Variants in HPSE2 observed in about 807,000 individuals in gnomAD.
The protein encoded by HPSE2 is inactive heparanase-2.
A neutral mutation model predicts 60.5 loss-of-function variants in HPSE2; 38 were observed. That is an observed-to-expected ratio of 0.63 (90% CI 0.48 to 0.82). The LOEUF (loss-of-function observed/expected upper bound fraction) is 0.82, where lower values mean the gene tolerates loss of function less well. HPSE2 is among the 40% of genes least tolerant of loss of function. The pLI is 0.00. For synonymous variants in HPSE2, 295 were observed against 293.2 expected (o/e 1.01, Z -0.06); for missense variants, 713 against 740.4 (o/e 0.96, Z 0.43).
chr10:99,148,634 C>G (rs185439931), intron 2 of HPSE2, among the ~76,000 whole-genome samples: 1 of 152,120 alleles, frequency 6.6e-6, no homozygotes, highest in African/African-American at 2.4e-5. Context: ...CTACTAAAAA[C>G]ACAAAATTAG....
chr10:98,909,854 T>C (rs1048716830), intron 3 of HPSE2, among the ~76,000 whole-genome samples: 1 of 152,054 alleles, frequency 6.6e-6, no homozygotes, highest in African/African-American at 2.4e-5. Flanking sequence ...ACTATACTCG[T>C]GATGGAATAT....
rs1554912905 is a variant in HPSE2, at chr10:99,186,129, C to CAT, written c.449-41731_449-41730insAT. Reference sequence around the variant, plus strand: ...CCACACACACACACACACACACACACACACACACACACACACACACACACA... The same window carrying CAT: ...CCACACACACACACACACACACACACATACACACACACACACACACACACACA... On this transcript the variant is annotated intron_variant, in intron 2 of 11. Coordinates refer to ENST00000370552, the MANE Select transcript of HPSE2 (RefSeq NM_021828.5). Among the ~76,000 whole-genome samples, 750 of 141,696 alleles carry CAT rather than the reference C, an allele frequency of 5.3e-3. 16 individuals are homozygous for CAT. The highest frequency in any genetic ancestry group is 9.1e-3 in the Non-Finnish European group (588 of 64,442). 93.0% of individuals were successfully genotyped at this position (141,696 alleles called of 152,430 possible).
chr10:99,059,170 C>G (rs1958179653), intron 3 of HPSE2, among the ~76,000 whole-genome samples: 2 of 152,126 alleles, frequency 1.3e-5, no homozygotes, highest in African/African-American at 4.8e-5. Context: ...CCAGATTTGG[C>G]CCATGGGCCA....
At chr10:98,494,586 T>C (rs915002100) in intron 9 of HPSE2, among the ~76,000 whole-genome samples, 2 of 152,210 alleles carry the variant, frequency 1.3e-5, no homozygotes, top group Non-Finnish European at 2.9e-5. Flanking sequence ...GCACAGGTCT[T>C]TGAATAAATT....
At chr10:98,782,833 A>C (rs1950504298) in intron 3 of HPSE2, among the ~76,000 whole-genome samples, 3 of 129,088 alleles carry the variant, frequency 2.3e-5, no homozygotes, top group East Asian at 2.2e-4. Context: ...TACAAAATGT[A>C]TGGGCCCAAA....
chr10:99,101,123 A>C (rs189291456), intron 3 of HPSE2, among the ~76,000 whole-genome samples: 1 of 152,194 alleles, frequency 6.6e-6, no homozygotes, highest in Non-Finnish European at 1.5e-5. Flanking sequence ...GACAGGATAA[A>C]ATTCATACAT....
In HPSE2 at chr10:98,936,003, G is replaced by A. The variant is rs1005519114; in HGVS notation, c.611-191947C>T. On this transcript the variant is annotated intron_variant, in intron 3 of 11. Coordinates refer to ENST00000370552, the MANE Select transcript of HPSE2 (RefSeq NM_021828.5). The stretch of plus-strand genomic sequence containing the variant: ...GGACTCCTGCAGGGATGCCCTGCCC[G>A]GTGAGGGGGTATCTAGAGAAGTAGT... Among the ~76,000 whole-genome samples, 6 of 144,564 alleles carry A rather than the reference G, an allele frequency of 4.2e-5. 1 individual carries two copies. The highest frequency in any genetic ancestry group is 3.9e-4 in the East Asian group (2 of 5,090). 94.8% of individuals were successfully genotyped at this position (144,564 alleles called of 152,430 possible).
At chr10:99,262,583 T>TCCCAC in the HPSE2 span, among the ~76,000 whole-genome samples, 4 of 152,010 alleles carry the variant, frequency 2.6e-5, no homozygotes, top group African/African-American at 9.7e-5. Context: ...CAATATCCCA[T>TCCCAC]CCCACAGCAT....
chr10:98,638,437 TC>T, intron 7 of HPSE2, among the ~76,000 whole-genome samples: 1 of 152,252 alleles, frequency 6.6e-6, no homozygotes, highest in East Asian at 1.9e-4. Flanking sequence ...AGAGCGAGAC[TC>T]TGTCACAAAA....
the HPSE2 span, among the ~76,000 whole-genome samples, chr10:99,255,769 TA>T: frequency 1.3e-5 from 2 of 152,238 alleles, no homozygotes; most frequent in Non-Finnish European, 1.5e-5. Flanking sequence ...TTCACCCTGC[TA>T]TGGTTTGAAC....
the HPSE2 span, among the ~76,000 whole-genome samples, chr10:99,281,945 AT>A: frequency 6.6e-6 from 1 of 152,132 alleles, no homozygotes; most frequent in African/African-American, 2.4e-5. Context: ...AGAAAAAAAA[AT>A]AGATTTAAGC....
intron 3 of HPSE2, among the ~76,000 whole-genome samples, chr10:99,006,972 C>T (rs1206414242): frequency 1.3e-5 from 2 of 152,132 alleles, no homozygotes; most frequent in Non-Finnish European, 2.9e-5. Flanking sequence ...GGGTCTGGAG[C>T]CTGTTTCTGC....
intron 3 of HPSE2, among the ~76,000 whole-genome samples, chr10:98,957,548 G>A (rs1257041421): frequency 6.6e-6 from 1 of 152,150 alleles, no homozygotes; most frequent in Admixed American, 6.5e-5. Context: ...TGATAGGAAG[G>A]GTAAGGCTGC....
In HPSE2 at chr10:99,232,526, A is replaced by G. The variant is rs778044445; in HGVS notation, c.291-21T>C. The G allele has an allele frequency of 5.2e-6, 8 of 1,550,352 alleles. No individual in the cohort carries two copies. In the Admixed American group the frequency reaches 5.9e-5, roughly 11 times the overall value. The stretch of plus-strand genomic sequence containing the variant: ...TGGAGCTGCAGAGGAAGAGAATAAG[A>G]GAGGAAAGGTTCCCAGGACAGGACG... On this transcript the variant is annotated intron_variant, in intron 1 of 11. Transcript: ENST00000370552.
At chr10:99,130,895 G>A (rs1358892948) in intron 3 of HPSE2, among the ~76,000 whole-genome samples, 1 of 152,076 alleles carries the variant, frequency 6.6e-6, no homozygotes, top group East Asian at 1.9e-4. Context: ...CTTGAGGAAG[G>A]GGCTGCCAGT....
intron 5 of HPSE2, among the ~76,000 whole-genome samples, chr10:98,714,010 G>T (rs767278850): frequency 6.6e-6 from 1 of 151,612 alleles, no homozygotes; most frequent in Non-Finnish European, 1.5e-5. Context: ...TATTGCCAAG[G>T]TTGGCAAAGT....
intron 7 of HPSE2, among the ~76,000 whole-genome samples, chr10:98,632,993 G>C (rs1946404770): frequency 6.6e-6 from 1 of 151,986 alleles, no homozygotes; most frequent in Non-Finnish European, 1.5e-5. Flanking sequence ...GGGTGCACGT[G>C]CCTCTCCTTT....
chr10:99,156,301 A>C, intron 2 of HPSE2, among the ~76,000 whole-genome samples: 1 of 126,138 alleles, frequency 7.9e-6, no homozygotes, highest in Non-Finnish European at 1.8e-5. Context: ...CAACCAAAAA[A>C]GAGAATTTTA....
intron 2 of HPSE2, among the ~76,000 whole-genome samples, chr10:99,154,004 A>G (rs1000258994): frequency 3.7e-4 from 57 of 152,282 alleles, no homozygotes; most frequent in African/African-American, 1.3e-3. Flanking sequence ...GGGTATCAGC[A>G]ATGGAAGATG....
Sources: allele counts gnomAD v4.1 joint callset (sites outside exome capture counted in the v4.1 genomes callset), GRCh38; gene constraint gnomAD v4.1.1; transcripts MANE v1.5; gene names NCBI Gene and HGNC (gene_info 2026-07-23, HGNC 2026-07-21).